GALNTL6: variants seen among roughly 807,000 people sequenced by gnomAD.
The protein encoded by GALNTL6 is polypeptide N-acetylgalactosaminyltransferase-like 6.
A neutral mutation model predicts 73.7 loss-of-function variants in GALNTL6; 46 were observed. The observed-to-expected ratio is 0.62, with a 90% confidence interval of 0.49 to 0.80. GALNTL6 has a LOEUF of 0.80. Among genes scored for constraint, GALNTL6 ranks in the 30% least tolerant of loss-of-function variants. GALNTL6 has a pLI of 0.00. For synonymous variants in GALNTL6, 259 were observed against 263.7 expected (o/e 0.98, Z 0.17); for missense variants, 604 against 755.0 (o/e 0.80, Z 2.34).
At position 172,161,714 on chromosome 4, in the gene GALNTL6, T is replaced by C. The variant is rs545259361; in HGVS notation, c.139-67942T>C. 5.3e-5 allele frequency among the ~76,000 whole-genome samples: 8 copies of C among 152,142 alleles called. No individual in the cohort carries two copies. The South Asian group carries it at 1.7e-3, about 32-fold the overall frequency. On this transcript the variant is annotated intron_variant, in intron 2 of 12. Transcript: ENST00000506823. Reference sequence around the variant, plus strand: ...AAGTAGGTAACACTGACGGGTAATGTAGGATGCCCCATAGAAGCTGGTAAT... The same window carrying C: ...AAGTAGGTAACACTGACGGGTAATGCAGGATGCCCCATAGAAGCTGGTAAT...
chr4:172,918,424 G>A (rs1221289672), intron 8 of GALNTL6, among the ~76,000 whole-genome samples: 2 of 151,824 alleles, frequency 1.3e-5, no homozygotes, highest in East Asian at 3.9e-4. Context: ...TAAAGAATTT[G>A]ATTTTTATAT....
chr4:171,835,063 C>A (rs1163860489), intron 2 of GALNTL6, among the ~76,000 whole-genome samples: 2 of 151,970 alleles, frequency 1.3e-5, no homozygotes, highest in East Asian at 3.9e-4. Context: ...TTCTTGCCAT[C>A]TCTCTCTGAT....
chr4:172,964,131 A>C (rs562439370), intron 10 of GALNTL6, among the ~76,000 whole-genome samples: 1 of 152,310 alleles, frequency 6.6e-6, no homozygotes, highest in African/African-American at 2.4e-5. Flanking sequence ...TGGATAGGGT[A>C]AGAACAGGTT....
chr4:172,640,580 G>T (rs1739927102), intron 5 of GALNTL6, among the ~76,000 whole-genome samples: 1 of 152,118 alleles, frequency 6.6e-6, no homozygotes, highest in Non-Finnish European at 1.5e-5. Flanking sequence ...TCCGTGGCTT[G>T]CAGAGGTCAG....
intron 5 of GALNTL6, among the ~76,000 whole-genome samples, chr4:172,717,613 C>T (rs1248229184): frequency 6.6e-6 from 1 of 152,148 alleles, no homozygotes; most frequent in Non-Finnish European, 1.5e-5. Flanking sequence ...CAACTTGCTA[C>T]TACAATTGCC....
At chr4:171,904,305 T>G (rs1003963490) in intron 2 of GALNTL6, among the ~76,000 whole-genome samples, 2 of 151,914 alleles carry the variant, frequency 1.3e-5, no homozygotes, top group African/African-American at 4.8e-5. Flanking sequence ...TTAAAGGAGC[T>G]GATGGAGCTG....
intron 2 of GALNTL6, among the ~76,000 whole-genome samples, chr4:171,818,398 G>A (rs1413396625): frequency 6.6e-6 from 1 of 151,548 alleles, no homozygotes; most frequent in African/African-American, 2.4e-5. Context: ...TAGTAGTTTA[G>A]CAAGTAACTT....
chr4:172,715,713 G>C (rs1395095467), intron 5 of GALNTL6, among the ~76,000 whole-genome samples: 1 of 152,040 alleles, frequency 6.6e-6, no homozygotes, highest in African/African-American at 2.4e-5. Context: ...TGATTTATTT[G>C]CTACTTTTTA....
At chr4:172,812,760 A>G (rs774666256) in intron 6 of GALNTL6, among the ~76,000 whole-genome samples, 13 of 152,194 alleles carry the variant, frequency 8.5e-5, no homozygotes, top group Non-Finnish European at 1.9e-4. Flanking sequence ...TAATTTCCCT[A>G]ATCTTACCTT....
intron 2 of GALNTL6, among the ~76,000 whole-genome samples, chr4:172,032,366 A>T (rs1741794311): frequency 6.6e-6 from 1 of 151,942 alleles, no homozygotes. Flanking sequence ...AGAATCATTA[A>T]ATGTTGTGTC....
chr4:172,789,919 T>C (rs1739897865), intron 5 of GALNTL6, among the ~76,000 whole-genome samples: 1 of 152,198 alleles, frequency 6.6e-6, no homozygotes, highest in Non-Finnish European at 1.5e-5. Flanking sequence ...CCAGGAACCA[T>C]GGACAAAAAC....
chr4:172,335,757 G>A (rs1000332100), intron 4 of GALNTL6, among the ~76,000 whole-genome samples: 1 of 152,080 alleles, frequency 6.6e-6, no homozygotes, highest in Non-Finnish European at 1.5e-5. Context: ...TAGTCTCTGA[G>A]GATCTTTTGT....
At chr4:172,874,859 G>A (rs974171731) in intron 7 of GALNTL6, among the ~76,000 whole-genome samples, 5 of 152,144 alleles carry the variant, frequency 3.3e-5, no homozygotes, top group East Asian at 1.9e-4. Context: ...CGGGACATTC[G>A]CAGTGTGGCT....
chr4:172,869,458 C>A (rs965487218), intron 7 of GALNTL6, among the ~76,000 whole-genome samples: 3 of 152,120 alleles, frequency 2.0e-5, no homozygotes, highest in African/African-American at 4.8e-5. Context: ...CCAAGAAGGG[C>A]ATGACCTGAT....
At position 173,040,063 on chromosome 4, in the gene GALNTL6, C is replaced by T; in HGVS notation, c.1769C>T (p.Thr590Ile). The T allele has an allele frequency of 6.2e-7, 1 of 1,612,980 alleles. No individual in the cohort carries two copies. Reference protein sequence around the residue: ...QQWIFEHINMTVLEKFNHHAN... With the variant: ...QQWIFEHINMIVLEKFNHHAN... ...TGGATTTTTGAACACATTAATATGACTGTTTTAGAAAAATTTAACCACCAT... is the reference window on the plus strand; with the variant it reads ...TGGATTTTTGAACACATTAATATGATTGTTTTAGAAAAATTTAACCACCAT... Residue 590 changes from threonine to isoleucine, a missense_variant, in exon 13 of 13, where the codon ACT becomes ATT. This residue lies in a region of GALNTL6 where 261 missense variants were observed against 296.5 expected (regional missense o/e 0.88). Coordinates refer to ENST00000506823, the MANE Select transcript of GALNTL6 (RefSeq NM_001034845.3).
chr4:172,045,427 TG>T (rs1217652674), intron 2 of GALNTL6, among the ~76,000 whole-genome samples: 3 of 152,086 alleles, frequency 2.0e-5, no homozygotes, highest in Non-Finnish European at 4.4e-5. Flanking sequence ...TCTCAGTTTT[TG>T]CTAATTTAAT....
chr4:172,312,576 T>C (rs1740399974), intron 4 of GALNTL6, among the ~76,000 whole-genome samples: 1 of 151,596 alleles, frequency 6.6e-6, no homozygotes, highest in South Asian at 2.1e-4. Context: ...CCCAAAAACT[T>C]CCCTATGGAA....
At chr4:172,168,117 T>A (rs1734691259) in intron 2 of GALNTL6, among the ~76,000 whole-genome samples, 1 of 152,206 alleles carries the variant, frequency 6.6e-6, no homozygotes, top group Admixed American at 6.5e-5. Flanking sequence ...CTGGAAAGTG[T>A]CTGCCATATA....
intron 2 of GALNTL6, among the ~76,000 whole-genome samples, chr4:171,989,304 A>T (rs1367769240): frequency 6.6e-6 from 1 of 152,162 alleles, no homozygotes; most frequent in Non-Finnish European, 1.5e-5. Flanking sequence ...TCAGCCACGA[A>T]GCCGAGAAGA....
Sources: allele counts gnomAD v4.1 joint callset (sites outside exome capture counted in the v4.1 genomes callset), GRCh38; gene constraint gnomAD v4.1.1; regional missense constraint gnomAD v4.1.1; transcripts MANE v1.5; gene names NCBI Gene and HGNC (gene_info 2026-07-23, HGNC 2026-07-21).